DNER: variants seen among roughly 807,000 people sequenced by gnomAD.
DNER encodes delta/notch like EGF repeat containing.
A neutral mutation model predicts 78.2 loss-of-function variants in DNER; 33 were observed. The ratio of observed to expected loss-of-function variants is 0.42; its 90% CI spans 0.32 to 0.56. The LOEUF is 0.56. DNER is among the 20% of genes least tolerant of loss of function. DNER has a pLI of 0.11. For missense variants in DNER, 918 were observed against 975.3 expected (o/e 0.94, Z 0.78); for synonymous variants, 417 against 384.8 (o/e 1.08, Z -0.98).
chr2:229,387,242 C>CACA (rs1199701438), intron 11 of DNER, among the ~76,000 whole-genome samples: 1 of 152,000 alleles, frequency 6.6e-6, no homozygotes, highest in Non-Finnish European at 1.5e-5. Context: ...AACCAAACAC[C>CACA]ACATGTTCTC....
chr2:229,583,497 A>G (rs575441852), intron 4 of DNER, among the ~76,000 whole-genome samples: 1 of 152,376 alleles, frequency 6.6e-6, no homozygotes, highest in South Asian at 2.1e-4. Context: ...GAATGTTAAT[A>G]GCTTTCAAAC....
At chr2:229,510,581 G>C (rs996698632) in intron 6 of DNER, among the ~76,000 whole-genome samples, 5 of 152,216 alleles carry the variant, frequency 3.3e-5, no homozygotes, top group Non-Finnish European at 7.3e-5. Flanking sequence ...AATATGAAGA[G>C]AGAGGGAGAG....
intron 3 of DNER, among the ~76,000 whole-genome samples, chr2:229,587,645 T>G (rs1239506315): frequency 3.3e-5 from 5 of 152,192 alleles, no homozygotes; most frequent in African/African-American, 1.2e-4. Context: ...CAAATGCCCC[T>G]TAGGTTGCAT....
intron 1 of DNER, among the ~76,000 whole-genome samples, chr2:229,613,328 A>C (rs986681552): frequency 2.0e-5 from 3 of 152,250 alleles, no homozygotes; most frequent in African/African-American, 4.8e-5. Flanking sequence ...GCATTCAAGC[A>C]TGTGGCTGCC....
At chr2:229,522,214 A>T (rs998315529) in intron 5 of DNER, among the ~76,000 whole-genome samples, 1 of 152,340 alleles carries the variant, frequency 6.6e-6, no homozygotes, top group Middle Eastern at 3.4e-3. Flanking sequence ...GGGAGAAGAA[A>T]GTAAATGTCT....
At chr2:229,641,364 C>A (rs1209386349) in intron 1 of DNER, among the ~76,000 whole-genome samples, 1 of 152,140 alleles carries the variant, frequency 6.6e-6, no homozygotes, top group Admixed American at 6.5e-5. Context: ...CAAAATCAGA[C>A]ATGACAGATT....
At chr2:229,672,264 C>G (rs752945332) in intron 1 of DNER, among the ~76,000 whole-genome samples, 2 of 152,104 alleles carry the variant, frequency 1.3e-5, no homozygotes, top group Non-Finnish European at 1.5e-5. Context: ...GAGATTCCAA[C>G]AGCTATGGCC....
At chr2:229,573,217 C>T (rs17621000) in intron 4 of DNER, among the ~76,000 whole-genome samples, 11,490 of 152,174 alleles carry the variant, frequency 0.076, 572 homozygotes, top group East Asian at 0.16. Context: ...CTCACAATTA[C>T]GGCATTAAAA....
intron 1 of DNER, among the ~76,000 whole-genome samples, chr2:229,652,691 G>A (rs74001406): frequency 0.021 from 3,184 of 152,292 alleles, 116 homozygotes; most frequent in African/African-American, 0.074. Context: ...ATATTGATGA[G>A]CTCAGAAGCA....
At chr2:229,427,718 C>A (rs954752512) in intron 8 of DNER, among the ~76,000 whole-genome samples, 2 of 152,202 alleles carry the variant, frequency 1.3e-5, no homozygotes, top group Non-Finnish European at 2.9e-5. Context: ...GGTAGAGGGA[C>A]CACGGCTTGT....
intron 9 of DNER, among the ~76,000 whole-genome samples, chr2:229,412,129 T>C (rs1267087758): frequency 1.3e-5 from 2 of 152,216 alleles, no homozygotes; most frequent in Non-Finnish European, 2.9e-5. Context: ...CTTAACCTTT[T>C]GACAATATGA....
chr2:229,608,040 A>AG (rs1697973132), intron 1 of DNER, among the ~76,000 whole-genome samples: 1 of 151,648 alleles, frequency 6.6e-6, no homozygotes, highest in Admixed American at 6.6e-5. Flanking sequence ...AAAAAAAAAA[A>AG]AAGTAGTGTA....
intron 11 of DNER, among the ~76,000 whole-genome samples, chr2:229,387,368 G>A (rs1055358853): frequency 7.2e-5 from 11 of 151,830 alleles, no homozygotes; most frequent in East Asian, 1.9e-4. Flanking sequence ...GGAGAAATAC[G>A]TAATGTAGAT....
At chr2:229,513,404 C>T (rs1255415241) in intron 5 of DNER, among the ~76,000 whole-genome samples, 2 of 152,230 alleles carry the variant, frequency 1.3e-5, no homozygotes, top group African/African-American at 4.8e-5. Context: ...TGCACTGAAT[C>T]ACTCCTTCAA....
chr2:229,701,018 T>C (rs910465706), intron 1 of DNER, among the ~76,000 whole-genome samples: 2 of 152,190 alleles, frequency 1.3e-5, no homozygotes, highest in Admixed American at 6.5e-5. Flanking sequence ...AGTATTTACA[T>C]AGGCTTCACA....
At chr2:229,479,330 A>G (rs1374802957) in intron 6 of DNER, among the ~76,000 whole-genome samples, 2 of 152,326 alleles carry the variant, frequency 1.3e-5, no homozygotes, top group East Asian at 3.9e-4. Flanking sequence ...CACCATCGTC[A>G]ACAAACAGGT....
chr2:229,463,026 A>G (rs946460442), intron 7 of DNER, among the ~76,000 whole-genome samples: 3 of 152,064 alleles, frequency 2.0e-5, no homozygotes, highest in Non-Finnish European at 4.4e-5. Context: ...CTTATTCTGT[A>G]TCACAGTACC....
intron 10 of DNER, among the ~76,000 whole-genome samples, chr2:229,401,275 A>G (rs1489165956): frequency 5.3e-5 from 8 of 152,072 alleles, no homozygotes; most frequent in Non-Finnish European, 8.8e-5. Flanking sequence ...GGCTCTTTTT[A>G]TAAAACTAAG....
chr2:229,658,617 G>C (rs1698952307), intron 1 of DNER, among the ~76,000 whole-genome samples: 1 of 152,112 alleles, frequency 6.6e-6, no homozygotes, highest in Non-Finnish European at 1.5e-5. Flanking sequence ...AGGGTACTTG[G>C]GGAGGGAGTT....
Sources: allele counts gnomAD v4.1 joint callset (sites outside exome capture counted in the v4.1 genomes callset), GRCh38; gene constraint gnomAD v4.1.1; transcripts MANE v1.5; gene names NCBI Gene and HGNC (gene_info 2026-07-23, HGNC 2026-07-21).